CSNK2A1: variants seen among roughly 807,000 people sequenced by gnomAD.
CSNK2A1 encodes casein kinase II subunit alpha.
CSNK2A1 carries 10 observed loss-of-function variants against 62.9 expected under a neutral mutation model. The ratio of observed to expected loss-of-function variants is 0.16; its 90% confidence interval spans 0.10 to 0.27. The LOEUF (loss-of-function observed/expected upper bound fraction) is 0.27. Among genes scored for constraint, CSNK2A1 ranks in the 10% least tolerant of loss-of-function variants. The pLI is 1.00. For missense variants in CSNK2A1, 160 were observed against 492.0 expected (o/e 0.33, Z 6.38); for synonymous variants, 124 against 167.8 (o/e 0.74, Z 2.02).
chr20:503,960 C>T (rs2018522133), intron 4 of CSNK2A1, among the ~76,000 whole-genome samples: 1 of 150,322 alleles, frequency 6.7e-6, no homozygotes, highest in Non-Finnish European at 1.5e-5. Context: ...GGCGGATCAC[C>T]TGAGGTCAGG....
intron 2 of CSNK2A1, among the ~76,000 whole-genome samples, chr20:523,800 A>G (rs1185644908): frequency 3.5e-5 from 5 of 143,330 alleles, no homozygotes; most frequent in Admixed American, 7.3e-5. Flanking sequence ...CTGAGCTTGC[A>G]GTGAGCTGAG....
intron 9 of CSNK2A1, among the ~76,000 whole-genome samples, chr20:490,699 T>C (rs983743391): frequency 2.1e-4 from 30 of 141,544 alleles, no homozygotes; most frequent in African/African-American, 7.5e-4. Context: ...CCACTGTGCC[T>C]GGCTCTTTTT....
chr20:515,038 T>G (rs1004413872), intron 2 of CSNK2A1, among the ~76,000 whole-genome samples: 7 of 152,172 alleles, frequency 4.6e-5, no homozygotes, highest in African/African-American at 1.4e-4. Flanking sequence ...CATTGAAAAG[T>G]TTTAAGCAGA....
chr20:499,946 A>G lies in CSNK2A1; in HGVS notation c.214-12T>C. ...TTCTTTTTTACTGGCTGAAAGGGGA[A>G]AAGTACATCAGCAAAAAAAAAAAAA... On this transcript the variant is annotated splice_polypyrimidine_tract_variant and intron_variant, in intron 4 of 13. Coordinates refer to ENST00000217244, the MANE Select transcript of CSNK2A1 (RefSeq NM_177559.3). This position sits in a 1 kb window ranked among gnomAD's most constrained non-coding sequence, Gnocchi z 4.2. 1 of 1,597,660 alleles carries G rather than the reference A, an allele frequency of 6.3e-7. No individual in the cohort carries two copies. The highest frequency in any genetic ancestry group is 8.5e-7 in the Non-Finnish European group (1 of 1,172,842).
At chr20:529,629 T>C (rs576123178) in intron 1 of CSNK2A1, among the ~76,000 whole-genome samples, 7 of 152,010 alleles carry the variant, frequency 4.6e-5, no homozygotes, top group African/African-American at 1.4e-4. Context: ...TGACTTAATA[T>C]GGAAAAAAAA....
intron 1 of CSNK2A1, chr20:540,857 T>A (rs1283736313): frequency 6.6e-6 from 1 of 152,232 alleles, no homozygotes; most frequent in Non-Finnish European, 1.5e-5. Context: ...TTGGGTGGGC[T>A]TGGCTAGCTA....
At chr20:503,184 G>T in intron 4 of CSNK2A1, 1 of 294,782 alleles carries the variant, frequency 3.4e-6, no homozygotes. Flanking sequence ...CATTCTCATC[G>T]CCCAGGCTGG....
At chr20:530,133 G>C (rs1568563509) in intron 1 of CSNK2A1, among the ~76,000 whole-genome samples, 1 of 152,056 alleles carries the variant, frequency 6.6e-6, no homozygotes, top group African/African-American at 2.4e-5. Flanking sequence ...AAGAAACCCA[G>C]TACCTCAGAG....
At chr20:487,704 A>C in intron 11 of CSNK2A1, 129 bp from the exon 12 acceptor site, 1 of 1,234,720 alleles carries the variant, frequency 8.1e-7, no homozygotes, top group Non-Finnish European at 1.1e-6. Flanking sequence ...TCAAGAGGGT[A>C]GTCTTGCACC....
At chr20:517,150 T>C (rs1338859417) in intron 2 of CSNK2A1, among the ~76,000 whole-genome samples, 3 of 152,244 alleles carry the variant, frequency 2.0e-5, no homozygotes, top group Non-Finnish European at 4.4e-5. Context: ...TATACTTTTC[T>C]ACCTTGCTAC....
rs1387149045 is a variant in CSNK2A1 at position 477,039 on chromosome 20, T to TGCCA, written c.*6918_*6921dup. On this transcript the variant is annotated 3_prime_UTR_variant, in exon 14 of 14. Transcript: ENST00000217244. ...CAGAGTAGCTAGCACTACAGGCATG[T>TGCCA]GCCACCACATCCAGCTAATTTTTAA... 4 of 152,400 alleles carry TGCCA rather than the reference T, an allele frequency of 2.6e-5. No individual in the cohort carries two copies. In the East Asian group the frequency reaches 7.7e-4, roughly 30 times the overall value. 9.4% of individuals were successfully genotyped at this position (152,400 alleles called of 1,614,324 possible).
chr20:482,155 C>T lies in CSNK2A1; in HGVS notation c.*1806G>A, dbSNP rs950481874. ...TTAAATTCAACTCCCCAAACAATTA[C>T]GTTTATCTATGATGCCTAGGCGAGA... On this transcript the variant is annotated 3_prime_UTR_variant, in exon 14 of 14. Coordinates refer to ENST00000217244, the MANE Select transcript of CSNK2A1 (RefSeq NM_177559.3). 52 of 152,258 alleles carry T rather than the reference C, an allele frequency of 3.4e-4. No individual in the cohort carries two copies. Among genetic ancestry groups the T allele is most frequent in the African/African-American group, 8.9e-4 (37 of 41,542 alleles). The allele number at this position is 152,258 out of a possible 1,614,324, so 9.4% of individuals were successfully genotyped here.
At chr20:497,378 C>G (rs1028881031) in intron 7 of CSNK2A1, among the ~76,000 whole-genome samples, 2 of 152,074 alleles carry the variant, frequency 1.3e-5, no homozygotes, top group Non-Finnish European at 2.9e-5. Context: ...GATCTCCTGG[C>G]CTCAAGCAAT....
At chr20:502,116 T>C (rs2018484328) in intron 4 of CSNK2A1, 2 of 152,162 alleles carry the variant, frequency 1.3e-5, no homozygotes, top group South Asian at 4.1e-4. Context: ...CTGTTAGTGA[T>C]TTACATACCA....
In CSNK2A1 at chr20:487,300, T is replaced by G. The variant is rs2018121115; in HGVS notation, c.973+127A>C. On this transcript the variant is annotated intron_variant, in intron 12 of 13. Transcript: ENST00000217244. ...ATGTAGTTGCCATCACTATCCCCAC[T>G]GGAAGAATCTGAGGCTCAGTGTGGG... 5.9e-6 allele frequency: 8 copies of G among 1,361,014 alleles called. No individual in the cohort carries two copies. The East Asian group carries it at 1.8e-4, about 31-fold the overall frequency. 84.3% of individuals were successfully genotyped at this position (1,361,014 alleles called of 1,614,324 possible).
intron 2 of CSNK2A1, among the ~76,000 whole-genome samples, chr20:508,873 T>C (rs2018659300): frequency 6.6e-6 from 1 of 152,218 alleles, no homozygotes; most frequent in Non-Finnish European, 1.5e-5. Flanking sequence ...TTTAATCATA[T>C]TTTGCCAAAT....
At position 476,196 on chromosome 20, in the gene CSNK2A1, CCTCCT is replaced by C. The variant is rs1437610556; in HGVS notation, c.*7760_*7764del. The C allele has an allele frequency of 6.6e-6, 1 of 152,338 alleles. No individual in the cohort carries two copies. The highest frequency in any genetic ancestry group is 1.5e-5 in the Non-Finnish European group (1 of 68,150). 9.4% of individuals were successfully genotyped at this position (152,338 alleles called of 1,614,324 possible). A position where few individuals can be genotyped will look rare whatever the true frequency, so the allele number is the denominator to read the frequency against. On this transcript the variant is annotated 3_prime_UTR_variant, in exon 14 of 14. Transcript: ENST00000217244. ...CTCTCCCTCGCCAGTTCAGGCAGCC[CCTCCT>C]CTGAGGCCTCATGGACCATTCTCTC... is the stretch of plus-strand genomic sequence containing the variant.
chr20:507,863 C>T (rs1432254034), intron 3 of CSNK2A1: 4 of 152,180 alleles, frequency 2.6e-5, no homozygotes, highest in South Asian at 2.1e-4. Context: ...GGTGCCCATA[C>T]AGAATACCGT....
At chr20:487,237 G>C in intron 12 of CSNK2A1, 190 bp downstream of exon 12, 14 of 722,654 alleles carry the variant, frequency 1.9e-5, no homozygotes, top group Non-Finnish European at 3.1e-5. Flanking sequence ...CTTGTGTCAT[G>C]TATTCTGTTA....
Sources: allele counts gnomAD v4.1 joint callset (sites outside exome capture counted in the v4.1 genomes callset), GRCh38; gene constraint gnomAD v4.1.1; non-coding constraint Gnocchi (gnomAD v3.1); transcripts MANE v1.5; gene names NCBI Gene and HGNC (gene_info 2026-07-23, HGNC 2026-07-21).